Variants in RAB40B observed in about 807,000 individuals in gnomAD.
RAB40B encodes RAB40B, member RAS oncogene family.
Under a neutral mutation model 24.0 loss-of-function variants are expected in RAB40B, and 21 were observed. That is an observed-to-expected ratio of 0.88 (90% CI 0.62 to 1.26). The LOEUF (loss-of-function observed/expected upper bound fraction) is 1.26, where lower values mean the gene tolerates loss of function less well. Among genes scored for constraint, RAB40B ranks in the 50% most tolerant of loss-of-function variants. The pLI, the probability that RAB40B is intolerant of heterozygous loss-of-function variation, is 0.00. For synonymous variants in RAB40B, 167 were observed against 169.8 expected (o/e 0.98, Z 0.13); for missense variants, 348 against 390.5 (o/e 0.89, Z 0.92).
At chr17:82,687,928 C>T (rs1046039839) in intron 1 of RAB40B, among the ~76,000 whole-genome samples, 5 of 152,066 alleles carry the variant, frequency 3.3e-5, no homozygotes, top group Non-Finnish European at 5.9e-5. Flanking sequence ...AATAATTAGC[C>T]GGGCATGGTG....
chr17:82,680,509 C>T (rs568167031), intron 1 of RAB40B, among the ~76,000 whole-genome samples: 9 of 152,146 alleles, frequency 5.9e-5, no homozygotes, highest in Non-Finnish European at 8.8e-5. Context: ...AAAAAAATAT[C>T]GCATATGAAA....
chr17:82,662,673 G>T (rs2046189425), intron 2 of RAB40B: 1 of 985,272 alleles, frequency 1.0e-6, no homozygotes, highest in Non-Finnish European at 1.2e-6. Context: ...CACCACAGGA[G>T]AGCAGCCTCA....
chr17:82,670,310 G>A (rs556844980), intron 1 of RAB40B, among the ~76,000 whole-genome samples: 45 of 151,096 alleles, frequency 3.0e-4, no homozygotes, highest in Admixed American at 8.6e-4. Context: ...TCAGCGTCCC[G>A]TGTAGCTGGA....
chr17:82,682,571 G>T (rs138441321), intron 1 of RAB40B, among the ~76,000 whole-genome samples: 5 of 152,120 alleles, frequency 3.3e-5, no homozygotes, highest in African/African-American at 9.7e-5. Flanking sequence ...CATTTAAAAG[G>T]AAAGTCAAAA....
intron 1 of RAB40B, among the ~76,000 whole-genome samples, chr17:82,694,760 G>A (rs1176550294): frequency 2.0e-5 from 3 of 151,748 alleles, no homozygotes; most frequent in Non-Finnish European, 4.4e-5. Flanking sequence ...GCACATGTGA[G>A]CCAGGGGATG....
intron 1 of RAB40B, among the ~76,000 whole-genome samples, chr17:82,691,504 G>A (rs934635353): frequency 4.6e-5 from 7 of 152,180 alleles, no homozygotes; most frequent in Middle Eastern, 3.4e-3. Flanking sequence ...TGACCAACAT[G>A]GTGAAACCCC....
chr17:82,664,607 G>T (rs74002927), intron 1 of RAB40B, 51 bp from the exon 2 acceptor site: 225,096 of 1,545,804 alleles, frequency 0.15, 17,397 homozygotes, highest in South Asian at 0.24. Flanking sequence ...CTAACAGGAC[G>T]CTGGAAGTCT....
intron 1 of RAB40B, among the ~76,000 whole-genome samples, chr17:82,674,196 C>T (rs1047152339): frequency 6.6e-6 from 1 of 151,170 alleles, no homozygotes; most frequent in Non-Finnish European, 1.5e-5. Context: ...CAAAATTAGC[C>T]GGGTGTGGTG....
At chr17:82,684,864 A>G (rs936498237) in intron 1 of RAB40B, among the ~76,000 whole-genome samples, 2 of 152,170 alleles carry the variant, frequency 1.3e-5, no homozygotes, top group African/African-American at 4.8e-5. Context: ...CTGTAATCCT[A>G]GAACTCTGGG....
chr17:82,694,970 G>C (rs113763328), intron 1 of RAB40B, among the ~76,000 whole-genome samples: 5 of 151,954 alleles, frequency 3.3e-5, no homozygotes, highest in African/African-American at 1.2e-4. Flanking sequence ...ACAGCACAAT[G>C]AACAGAGACA....
rs112012746 is a variant in RAB40B at position 82,680,117 on chromosome 17, C to T, written c.143-15561G>A. On this transcript the variant is annotated intron_variant, in intron 1 of 5. Coordinates refer to ENST00000571995, the MANE Select transcript of RAB40B (RefSeq NM_006822.3). ...GCTGTCCTCGGGCTGGCCCGTCCTG[C>T]TCAGACCGGAGGCCTGGCAGGGTTC... Among the ~76,000 whole-genome samples the T allele has an allele frequency of 1.2e-3, 186 of 152,384 alleles. 3 individuals carry two copies. In the Middle Eastern group the frequency reaches 0.017, roughly 14 times the overall value.
intron 2 of RAB40B, chr17:82,662,161 G>A (rs72853015): frequency 0.19 from 189,970 of 985,386 alleles, 19,122 homozygotes; most frequent in Non-Finnish European, 0.2. Context: ...CCCTCAGCAC[G>A]AGAGAGAAGG....
At chr17:82,695,805 A>G (rs995872938) in intron 1 of RAB40B, among the ~76,000 whole-genome samples, 1 of 152,148 alleles carries the variant, frequency 6.6e-6, no homozygotes, top group South Asian at 2.1e-4. Context: ...GTAAATCAAA[A>G]ACCTGCAAGG....
At chr17:82,687,889 T>C (rs2046517719) in intron 1 of RAB40B, among the ~76,000 whole-genome samples, 1 of 152,078 alleles carries the variant, frequency 6.6e-6, no homozygotes, top group South Asian at 2.1e-4. Flanking sequence ...CTGGGCGGCA[T>C]AGCAAGACCC....
intron 1 of RAB40B, among the ~76,000 whole-genome samples, chr17:82,688,132 CCTT>C (rs1437907336): frequency 7.9e-5 from 12 of 152,104 alleles, no homozygotes; most frequent in African/African-American, 2.9e-4. Flanking sequence ...ATCAGTCCAT[CCTT>C]CTCTCTGCCA....
chr17:82,694,571 A>C (rs1389144447), intron 1 of RAB40B, among the ~76,000 whole-genome samples: 6 of 151,472 alleles, frequency 4.0e-5, no homozygotes, highest in Non-Finnish European at 8.8e-5. Context: ...ACACACACAC[A>C]CCTGGAAACT....
intron 2 of RAB40B, 54 bp from the exon 3 acceptor site, chr17:82,661,101 C>T: frequency 2.5e-6 from 4 of 1,595,820 alleles, no homozygotes; most frequent in Non-Finnish European, 2.6e-6. Context: ...TTCCTGACAA[C>T]AGGTTCTGGA....
chr17:82,687,227 T>A (rs2046511868), intron 1 of RAB40B, among the ~76,000 whole-genome samples: 1 of 152,226 alleles, frequency 6.6e-6, no homozygotes, highest in Non-Finnish European at 1.5e-5. Flanking sequence ...AGAAACAGAC[T>A]TTATTTCCAG....
intron 1 of RAB40B, among the ~76,000 whole-genome samples, chr17:82,689,044 A>C (rs1173189933): frequency 1.3e-5 from 2 of 152,396 alleles, no homozygotes; most frequent in East Asian, 3.9e-4. Context: ...TATAGAGCTA[A>C]TTAAGCTGAA....
Sources: gnomAD v4.1 joint callset for allele counts (sites outside exome capture counted in the v4.1 genomes callset) on GRCh38, gnomAD v4.1.1 for gene constraint, MANE v1.5 for transcripts, NCBI Gene and HGNC (gene_info 2026-07-23, HGNC 2026-07-21) for gene names.